RIMS2: variants seen among roughly 807,000 people sequenced by gnomAD.
RIMS2 encodes regulating synaptic membrane exocytosis protein 2.
A neutral mutation model predicts 174.4 loss-of-function variants in RIMS2; 59 were observed. The observed-to-expected ratio is 0.34, with a 90% confidence interval of 0.27 to 0.42. The LOEUF is 0.42. Among genes scored for constraint, RIMS2 ranks in the 10% least tolerant of loss-of-function variants. The pLI is 1.00. For missense variants in RIMS2, 1,620 were observed against 1,666.3 expected (o/e 0.97, Z 0.48); for synonymous variants, 606 against 572.5 (o/e 1.06, Z -0.84).
At chr8:103,869,226 G>A (rs927031820) in intron 3 of RIMS2, among the ~76,000 whole-genome samples, 113 of 143,194 alleles carry the variant, frequency 7.9e-4, no homozygotes, top group African/African-American at 2.8e-3. Context: ...ACGGAATTTC[G>A]CTCCTGTCGC....
At chr8:104,057,111 G>T (rs1438621451) in intron 19 of RIMS2, among the ~76,000 whole-genome samples, 5 of 145,372 alleles carry the variant, frequency 3.4e-5, no homozygotes, top group Non-Finnish European at 7.5e-5. Flanking sequence ...CTGTCACTTA[G>T]GCTGGAGTGC....
At chr8:103,552,540 C>G (rs1278164218) in intron 1 of RIMS2, among the ~76,000 whole-genome samples, 1 of 152,118 alleles carries the variant, frequency 6.6e-6, no homozygotes, top group African/African-American at 2.4e-5. Context: ...TAAGCATGGG[C>G]AAGGACTTCA....
chr8:103,973,729 T>G (rs2093146646), intron 15 of RIMS2, among the ~76,000 whole-genome samples: 1 of 152,208 alleles, frequency 6.6e-6, no homozygotes, highest in African/African-American at 2.4e-5. Flanking sequence ...TGTGCAGTTC[T>G]GTATTTCTCT....
chr8:103,545,805 C>T lies in RIMS2; in HGVS notation c.176+44743C>T, dbSNP rs551179989. On this transcript the variant is annotated intron_variant, in intron 1 of 23. Transcript: ENST00000504942. Reference sequence around the variant, plus strand: ...TTCATAAATGAAGGAGAAATAAGATCGATCCTTTTTTAACAAGTAAGGTCC... The same window carrying T: ...TTCATAAATGAAGGAGAAATAAGATTGATCCTTTTTTAACAAGTAAGGTCC... 3.4e-4 allele frequency among the ~76,000 whole-genome samples: 18 copies of T among 53,072 alleles called. No homozygotes were observed. The East Asian group carries it at 3.7e-3, about 11-fold the overall frequency. The allele number at this position is 53,072 out of a possible 152,430, so 34.8% of individuals were successfully genotyped here. A position where few individuals can be genotyped will look rare whatever the true frequency, so the allele number is the denominator to read the frequency against.
chr8:104,107,237 GTACC>G (rs2098087566), intron 19 of RIMS2, among the ~76,000 whole-genome samples: 1 of 152,042 alleles, frequency 6.6e-6, no homozygotes, highest in South Asian at 2.1e-4. Flanking sequence ...TTTGAGTAAA[GTACC>G]TACTCATCCT....
chr8:103,766,904 G>A (rs997404556), intron 3 of RIMS2, among the ~76,000 whole-genome samples: 2 of 152,194 alleles, frequency 1.3e-5, no homozygotes, highest in Non-Finnish European at 2.9e-5. Context: ...GTTGGAAGTG[G>A]GAGTTAAGGT....
intron 19 of RIMS2, among the ~76,000 whole-genome samples, chr8:104,157,507 TC>T (rs909455981): frequency 2.0e-5 from 3 of 152,200 alleles, no homozygotes; most frequent in African/African-American, 7.2e-5. Context: ...ACAACTCTTT[TC>T]AGTTGCAAAA....
intron 2 of RIMS2, among the ~76,000 whole-genome samples, chr8:103,711,302 A>T (rs2097300395): frequency 6.6e-6 from 1 of 152,182 alleles, no homozygotes; most frequent in African/African-American, 2.4e-5. Context: ...AGGCAAAGCA[A>T]TGAGAAGGTT....
chr8:103,682,169 C>T (rs2096888113), intron 1 of RIMS2, among the ~76,000 whole-genome samples: 1 of 151,778 alleles, frequency 6.6e-6, no homozygotes, highest in African/African-American at 2.4e-5. Flanking sequence ...GTTAAGTAGG[C>T]GATTGAATAC....
chr8:104,178,168 C>A (rs2098916779), intron 19 of RIMS2, among the ~76,000 whole-genome samples: 1 of 152,138 alleles, frequency 6.6e-6, no homozygotes, highest in African/African-American at 2.4e-5. Flanking sequence ...TCTCACAAGG[C>A]CAAAATCAGG....
intron 2 of RIMS2, among the ~76,000 whole-genome samples, chr8:103,725,787 T>C (rs535104515): frequency 1.1e-4 from 16 of 152,316 alleles, no homozygotes; most frequent in African/African-American, 3.6e-4. Flanking sequence ...CAAACAGTTT[T>C]GCAAAGGTCA....
In RIMS2 at chr8:104,213,473, A is replaced by G. The variant is rs188699634; in HGVS notation, c.3335-31443A>G. ...CATCTGTCTACTCATTACATTGTCA[A>G]CTTTATGAGGAAAAGCAGTCATTCC... is the stretch of plus-strand genomic sequence containing the variant. On this transcript the variant is annotated intron_variant, in intron 19 of 23. Coordinates refer to ENST00000504942, the Ensembl canonical transcript of RIMS2. Among the ~76,000 whole-genome samples, 66 of 152,302 alleles carry G rather than the reference A, an allele frequency of 4.3e-4. 1 individual carries two copies. In the Middle Eastern group the frequency reaches 0.017, roughly 39 times the overall value.
At chr8:103,923,326 T>C (rs2078090268) in intron 10 of RIMS2, among the ~76,000 whole-genome samples, 1 of 151,722 alleles carries the variant, frequency 6.6e-6, no homozygotes, top group Non-Finnish European at 1.5e-5. Flanking sequence ...TTGCTTGAGT[T>C]GGTAAAGAAG....
At chr8:103,595,214 T>C (rs949392794) in intron 1 of RIMS2, among the ~76,000 whole-genome samples, 1 of 151,918 alleles carries the variant, frequency 6.6e-6, no homozygotes, top group African/African-American at 2.4e-5. Context: ...TTTGTTTGTC[T>C]TTTAATATTA....
chr8:103,958,732 C>G (rs1181156920), intron 14 of RIMS2, among the ~76,000 whole-genome samples: 1 of 151,984 alleles, frequency 6.6e-6, no homozygotes, highest in Non-Finnish European at 1.5e-5. Flanking sequence ...TGAAGTACTA[C>G]CAAATAAGAT....
chr8:103,761,949 T>C (rs1161153216), intron 2 of RIMS2, among the ~76,000 whole-genome samples: 1 of 152,134 alleles, frequency 6.6e-6, no homozygotes, highest in Non-Finnish European at 1.5e-5. Context: ...TTTTTGTCCC[T>C]GTTTAGAAGA....
intron 1 of RIMS2, among the ~76,000 whole-genome samples, chr8:103,657,798 C>T (rs2096549097): frequency 6.6e-6 from 1 of 152,178 alleles, no homozygotes; most frequent in African/African-American, 2.4e-5. Flanking sequence ...CTGGTTGATA[C>T]AGCTGGGTTC....
intron 19 of RIMS2, among the ~76,000 whole-genome samples, chr8:104,220,426 GC>G (rs2099149852): frequency 2.0e-5 from 3 of 151,978 alleles, no homozygotes; most frequent in African/African-American, 7.3e-5. Context: ...ACAAGGCAGG[GC>G]CCAGGCAACT....
chr8:103,974,465 T>C (rs1360534624), intron 15 of RIMS2, among the ~76,000 whole-genome samples: 1 of 152,222 alleles, frequency 6.6e-6, no homozygotes, highest in Non-Finnish European at 1.5e-5. Context: ...TTATCAACCT[T>C]ATGATGTTTT....
Sources: allele counts gnomAD v4.1 joint callset (sites outside exome capture counted in the v4.1 genomes callset), GRCh38; gene constraint gnomAD v4.1.1; transcripts MANE v1.5; gene names NCBI Gene and HGNC (gene_info 2026-07-23, HGNC 2026-07-21).